TTLL3: variants seen among roughly 807,000 people sequenced by gnomAD.
The protein encoded by TTLL3 is tubulin monoglycylase TTLL3.
A neutral mutation model predicts 75.2 loss-of-function variants in TTLL3; 63 were observed. That is an observed-to-expected ratio of 0.84 (90% CI 0.68 to 1.03). The LOEUF (loss-of-function observed/expected upper bound fraction) is 1.03. TTLL3 is among the 50% of genes least tolerant of loss of function. TTLL3 has a pLI of 0.00. For synonymous variants in TTLL3, 393 were observed against 418.5 expected (o/e 0.94, Z 0.74); for missense variants, 997 against 1,069.9 (o/e 0.93, Z 0.95).
intron 7 of TTLL3, 111 bp downstream of exon 7, chr3:9,819,031 C>A (rs2125710849): frequency 2.9e-6 from 4 of 1,367,838 alleles, no homozygotes; most frequent in Non-Finnish European, 4.1e-6. Context: ...ACTGGTTCAT[C>A]CACACATCTG....
At chr3:9,815,006 GGCGGGTGGATTATTT>G (rs1396779745) in intron 4 of TTLL3, among the ~76,000 whole-genome samples, 1 of 152,072 alleles carries the variant, frequency 6.6e-6, no homozygotes. Flanking sequence ...GGGAGGCCAA[GGCGGGTGGATTATTT>G]GAGGTCAGGA....
Position 9,827,029 on chromosome 3 carries a change from C to T in TTLL3, c.1036C>T (p.Leu346=), listed in dbSNP as rs755625482. The T allele has an allele frequency of 6.2e-7, 1 of 1,614,176 alleles. No homozygotes were observed. Among genetic ancestry groups the T allele is most frequent in the South Asian group, 1.1e-5 (1 of 91,082 alleles). Reference sequence around the variant, plus strand: ...GTGCATGGACCACCTGGAGGAGATGCTGAAGCTGGTGAACGGCAACCCCGT... The same window carrying T: ...GTGCATGGACCACCTGGAGGAGATGTTGAAGCTGGTGAACGGCAACCCCGT... ...IMCMDHLEEM[L]KLVNGNPVVM... is the part of the protein sequence containing the mutation. The change falls in exon 10 of 14, where the codon CTG becomes TTG. Residue 346 remains leucine (L), a synonymous_variant. Transcript: ENST00000685419.
At chr3:9,812,763 A>G in intron 2 of TTLL3, 180 bp from the exon 3 acceptor site, 1 of 649,112 alleles carries the variant, frequency 1.5e-6, no homozygotes, top group South Asian at 6.8e-5. Context: ...AGCCATTGCT[A>G]TTATCATTAT....
chr3:9,823,202 T>A (rs1194097679), intron 8 of TTLL3, among the ~76,000 whole-genome samples: 1 of 151,812 alleles, frequency 6.6e-6, no homozygotes, highest in African/African-American at 2.4e-5. Flanking sequence ...GCTAACATGG[T>A]GAAACCCCAT....
chr3:9,814,144 A>AG (rs919712135), intron 4 of TTLL3, among the ~76,000 whole-genome samples: 1 of 151,774 alleles, frequency 6.6e-6, no homozygotes, highest in Non-Finnish European at 1.5e-5. Context: ...TACTAAAAAA[A>AG]CAAACAAATA....
chr3:9,819,453 C>T, intron 7 of TTLL3: 1 of 987,614 alleles, frequency 1.0e-6, no homozygotes, highest in Non-Finnish European at 1.2e-6. Context: ...GCCGAGCACC[C>T]TGGAGAGGGC....
rs1463761726 is a variant in TTLL3 at position 9,810,695 on chromosome 3, G to A, written c.34G>A (p.Glu12Lys). 1.9e-6 allele frequency: 3 copies of A among 1,587,500 alleles called. No homozygotes were observed. Among genetic ancestry groups the A allele is most frequent in the Non-Finnish European group, 2.6e-6 (3 of 1,167,402 alleles). Reference sequence around the variant, plus strand: ...GCTCAGAAACGCCAAAATCTACGTGGAGAGAGCTGTCAAGGTCAGAGGAGG... The same window carrying A: ...GCTCAGAAACGCCAAAATCTACGTGAAGAGAGCTGTCAAGGTCAGAGGAGG... The part of the protein sequence containing the change: ...NRLRNAKIYV[E>K]RAVKQKKIFT... Residue 12 changes from glutamate to lysine, a missense_variant, in exon 2 of 14, where the codon GAG becomes AAG. Transcript: ENST00000685419. This position sits in a 1 kb window ranked among gnomAD's most constrained non-coding sequence, Gnocchi z 4.4.
intron 4 of TTLL3, among the ~76,000 whole-genome samples, chr3:9,814,460 A>T (rs190140198): frequency 6.6e-6 from 1 of 152,156 alleles, no homozygotes; most frequent in Non-Finnish European, 1.5e-5. Flanking sequence ...AACCGGGCCA[A>T]CATGGTGAAA....
chr3:9,813,545 C>A (rs751659951), intron 4 of TTLL3, among the ~76,000 whole-genome samples, 200 bp downstream of exon 4: 4 of 152,074 alleles, frequency 2.6e-5, no homozygotes, highest in Admixed American at 1.3e-4. Flanking sequence ...CTCAGGAGGC[C>A]AAGGTGGGAG....
intron 8 of TTLL3, among the ~76,000 whole-genome samples, chr3:9,823,338 C>T (rs1281105585): frequency 8.0e-5 from 12 of 150,640 alleles, no homozygotes; most frequent in Non-Finnish European, 1.5e-4. Flanking sequence ...GAGCCGAGAT[C>T]GCGCCACTGC....
Position 9,835,663 on chromosome 3 carries a change from A to G in TTLL3, c.*174A>G. The stretch of plus-strand genomic sequence containing the variant: ...AAAGAGGAGGCATGGCTTACCCAAG[A>G]TCACGTGGCAGTGAGTCGACGCAGG... On this transcript the variant is annotated 3_prime_UTR_variant, in exon 14 of 14. Coordinates refer to ENST00000685419, the MANE Select transcript of TTLL3 (RefSeq NM_001387446.1). 1.6e-6 allele frequency: 1 copy of G among 642,200 alleles called. No homozygotes were observed. The highest frequency in any genetic ancestry group is 2.5e-6 in the Non-Finnish European group (1 of 394,528). 39.8% of individuals were successfully genotyped at this position (642,200 alleles called of 1,614,324 possible).
At chr3:9,818,942 A>G in intron 7 of TTLL3, 22 bp downstream of exon 7, 1 of 1,613,054 alleles carries the variant, frequency 6.2e-7, no homozygotes, top group Non-Finnish European at 8.5e-7. Context: ...GGTTACCTCC[A>G]CTCTCCCACC....
At position 9,817,693 on chromosome 3, in the gene TTLL3, G is replaced by C. The variant is rs73116112; in HGVS notation, c.493G>C (p.Asp165His). 1,427 of 1,614,154 alleles carry C rather than the reference G, an allele frequency of 8.8e-4. 9 individuals are homozygous for C. The African/African-American group carries it at 0.016, about 18-fold the overall frequency. ...GAATTTGCCGTGGTTTGATGAGGTT[G>C]ATGCCAACTCCTTCTTCCCACGCTG... is the stretch of plus-strand genomic sequence containing the variant. ...LRNLPWFDEV[D>H]ANSFFPRCYC... The change falls in exon 6 of 14, where the codon GAT (aspartate) becomes CAT (histidine). Residue 165 changes from aspartate to histidine, a missense_variant. By Grantham distance (81) the Asp-to-His change is moderately conservative (BLOSUM62 -1). Transcript: ENST00000685419.
intron 5 of TTLL3, among the ~76,000 whole-genome samples, chr3:9,817,213 A>G (rs963243828): frequency 6.6e-6 from 1 of 152,108 alleles, no homozygotes; most frequent in Non-Finnish European, 1.5e-5. Flanking sequence ...TCACCAGGTC[A>G]GGAGATCGAG....
Position 9,833,095 on chromosome 3 carries a change from T to A in TTLL3, c.1684-9T>A. 1 of 1,613,992 alleles carries A rather than the reference T, an allele frequency of 6.2e-7. No individual in the cohort carries two copies. Among genetic ancestry groups the A allele is most frequent in the Non-Finnish European group, 8.5e-7 (1 of 1,179,868 alleles). ...CTGAGTGGGCCTTGTCTCCTCTTCT[T>A]GCCCACAGCCTGCTGTGGAGGTGCC... is the stretch of plus-strand genomic sequence containing the variant. On this transcript the variant is annotated splice_polypyrimidine_tract_variant and intron_variant, in intron 11 of 13. Coordinates refer to ENST00000685419, the MANE Select transcript of TTLL3 (RefSeq NM_001387446.1).
At chr3:9,819,803 T>G (rs2080244034) in intron 7 of TTLL3, 15 of 985,318 alleles carry the variant, frequency 1.5e-5, no homozygotes, top group Non-Finnish European at 1.8e-5. Context: ...CTGTCTCTTG[T>G]GTGTGTCATG....
intron 5 of TTLL3, 94 bp from the exon 6 acceptor site, chr3:9,817,551 T>G: frequency 6.3e-7 from 1 of 1,598,932 alleles, no homozygotes. Flanking sequence ...GCCAAGGCTC[T>G]GAGCGCAGAT....
upstream of TTLL3, chr3:9,810,078 C>T: frequency 7.2e-7 from 1 of 1,393,854 alleles, no homozygotes; most frequent in Non-Finnish European, 9.3e-7. The surrounding 1 kb of genome is among the most constrained non-coding windows in gnomAD (Gnocchi z 4.4). Context: ...GCTCGGCCTC[C>T]TGGTACCGCC....
In TTLL3 at chr3:9,830,325, C is replaced by T. The variant is rs147141211; in HGVS notation, c.1683+930C>T. 1.8e-4 allele frequency among the ~76,000 whole-genome samples: 28 copies of T among 152,206 alleles called. No homozygotes were observed. The East Asian group carries it at 5.0e-3, about 27-fold the overall frequency. On this transcript the variant is annotated intron_variant, in intron 11 of 13. Transcript: ENST00000685419. ...GTAGTATTATAATTATTTCACTCGT[C>T]TTGCTCCAAAAAGAGATTGGAGTCT...
Sources: allele counts gnomAD v4.1 joint callset (sites outside exome capture counted in the v4.1 genomes callset), GRCh38; gene constraint gnomAD v4.1.1; non-coding constraint Gnocchi (gnomAD v3.1); transcripts MANE v1.5; gene names NCBI Gene and HGNC (gene_info 2026-07-23, HGNC 2026-07-21).